The following SYT2 variants were observed in gnomAD, a reference collection of about 807,000 sequenced individuals.
The protein encoded by SYT2 is synaptotagmin-2.
Under a neutral mutation model 39.9 loss-of-function variants are expected in SYT2, and 15 were observed. That is an observed-to-expected ratio of 0.38 (90% CI 0.25 to 0.58). SYT2 has a LOEUF of 0.58. SYT2 is among the 20% of genes least tolerant of loss of function. The pLI, the probability that SYT2 is intolerant of heterozygous loss-of-function variation, is 0.70. For synonymous variants in SYT2, 181 were observed against 204.5 expected, an observed-to-expected ratio of 0.89 and a Z score of 0.98; for missense variants, 389 against 530.3, an observed-to-expected ratio of 0.73 and a Z score of 2.62.
chr1:202,672,768 A>G (rs1459200266), intron 1 of SYT2, among the ~76,000 whole-genome samples: 1 of 56,426 alleles, frequency 1.8e-5, no homozygotes, highest in Admixed American at 1.8e-4. Context: ...GAAATGAGAG[A>G]GGGAGGGAGG....
At chr1:202,650,265 G>C (rs1053852332) in intron 1 of SYT2, among the ~76,000 whole-genome samples, 12 of 152,134 alleles carry the variant, frequency 7.9e-5, no homozygotes, top group Admixed American at 1.3e-4. Flanking sequence ...CCTGTGAGCC[G>C]GGGTGTCCAG....
chr1:202,629,893 TGTGTTGCTCAG>T (rs1691530165), intron 1 of SYT2, among the ~76,000 whole-genome samples: 1 of 71,846 alleles, frequency 1.4e-5, no homozygotes, highest in Non-Finnish European at 3.3e-5. Context: ...GTACGGCAGG[TGTGTTGCTCAG>T]AAGTGACTCT....
intron 1 of SYT2, among the ~76,000 whole-genome samples, chr1:202,621,334 T>TG (rs1394055101): frequency 6.6e-6 from 1 of 152,184 alleles, no homozygotes; most frequent in East Asian, 1.9e-4. Context: ...CTCACTCTGT[T>TG]GCTCAGGCTG....
In SYT2 at chr1:202,703,279, C is replaced by T. The variant is rs796285419; in HGVS notation, c.-18+6979G>A. Among the ~76,000 whole-genome samples the T allele has an allele frequency of 5.3e-5, 8 of 150,864 alleles. 1 individual carries two copies. Among genetic ancestry groups the T allele is most frequent in the African/African-American group, 1.7e-4 (7 of 41,246 alleles). ...TCCCACCCCCGGCCACCGCTCCCCT[C>T]CCTCCGCCGCCCATACACATGGCCC... On this transcript the variant is annotated intron_variant, in intron 1 of 8. Transcript: ENST00000367268.
rs1348724244 is a variant in SYT2 at position 202,599,104 on chromosome 1, C to A, written c.1053+114G>T. 2 of 1,440,396 alleles carry A rather than the reference C, an allele frequency of 1.4e-6. No individual in the cohort carries two copies. Among genetic ancestry groups the A allele is most frequent in the Non-Finnish European group, 1.9e-6 (2 of 1,065,372 alleles). 89.2% of individuals were successfully genotyped at this position (1,440,396 alleles called of 1,614,324 possible). On this transcript the variant is annotated intron_variant, in intron 8 of 8. Transcript: ENST00000367268. The surrounding 1 kb of genome is among the most constrained non-coding windows in gnomAD (Gnocchi z 4.4). Reference sequence around the variant, plus strand: ...GCACCATTAGACCTCGAGCCTTCCCCTACCAAGAAAGGCTGTTCCATGGTC... The same window carrying A: ...GCACCATTAGACCTCGAGCCTTCCCATACCAAGAAAGGCTGTTCCATGGTC...
intron 1 of SYT2, among the ~76,000 whole-genome samples, chr1:202,685,571 C>A (rs1049206700): frequency 6.6e-6 from 1 of 152,082 alleles, no homozygotes; most frequent in African/African-American, 2.4e-5. Flanking sequence ...GGTAATTCAC[C>A]GCATCACCCC....
intron 1 of SYT2, among the ~76,000 whole-genome samples, chr1:202,650,583 ACAC>A (rs1692172988): frequency 1.3e-5 from 2 of 151,932 alleles, no homozygotes; most frequent in Non-Finnish European, 2.9e-5. Flanking sequence ...TTTCAGGCAC[ACAC>A]CACCACACCT....
chr1:202,602,976 TG>T, intron 4 of SYT2, 22 bp downstream of exon 4: 1 of 1,375,318 alleles, frequency 7.3e-7, no homozygotes, highest in Admixed American at 2.0e-5. Context: ...TCCCCCACTC[TG>T]CCCCCCCACA....
intron 1 of SYT2, among the ~76,000 whole-genome samples, chr1:202,607,331 C>A (rs1272658865): frequency 6.6e-6 from 1 of 152,208 alleles, no homozygotes; most frequent in Non-Finnish European, 1.5e-5. Flanking sequence ...CAAGAATAAA[C>A]AGCACAACTC....
intron 1 of SYT2, among the ~76,000 whole-genome samples, chr1:202,674,716 C>T (rs1349333749): frequency 1.3e-5 from 2 of 152,114 alleles, no homozygotes; most frequent in Non-Finnish European, 2.9e-5. Context: ...TGGTATGAAA[C>T]CCCTACTGTT....
chr1:202,595,225 CCTGA>C lies in SYT2; in HGVS notation c.*1528_*1531del, dbSNP rs1459442579. 6.6e-6 allele frequency: 1 copy of C among 152,250 alleles called. No individual in the cohort carries two copies. The highest frequency in any genetic ancestry group is 2.4e-5 in the African/African-American group (1 of 41,440). 9.4% of individuals were successfully genotyped at this position (152,250 alleles called of 1,614,324 possible). The stretch of plus-strand genomic sequence containing the variant: ...GGATTGGAAGAAGACTCAGTGCAAA[CCTGA>C]CTAACATATATATGGCTTTTATATC... On this transcript the variant is annotated 3_prime_UTR_variant, in exon 9 of 9. Coordinates refer to ENST00000367268, the MANE Select transcript of SYT2 (RefSeq NM_177402.5).
chr1:202,624,365 G>A (rs1293070965), intron 1 of SYT2, among the ~76,000 whole-genome samples: 1 of 151,748 alleles, frequency 6.6e-6, no homozygotes, highest in Non-Finnish European at 1.5e-5. Flanking sequence ...TGTGGGTAGT[G>A]GGTAGTGGCA....
At chr1:202,604,818 C>CTTTTTTTTTTTTTTTTTTTTTTTTTTT (rs59944538) in intron 2 of SYT2, among the ~76,000 whole-genome samples, 197 bp from the exon 3 acceptor site, 1 of 71,668 alleles carries the variant, frequency 1.4e-5, no homozygotes, top group Non-Finnish European at 2.5e-5. Context: ...TCATGCCTTG[C>CTTTTTTTTTTTTTTTTTTTTTTTTTTT]TTTTTTTTTT....
At chr1:202,671,715 AG>A (rs1229919840) in intron 1 of SYT2, among the ~76,000 whole-genome samples, 1 of 152,240 alleles carries the variant, frequency 6.6e-6, no homozygotes, top group East Asian at 1.9e-4. Context: ...TCGACCCCAA[AG>A]GGGCTCATCC....
intron 1 of SYT2, among the ~76,000 whole-genome samples, chr1:202,640,148 G>T (rs149974926): frequency 0.012 from 1,765 of 152,266 alleles, 35 homozygotes; most frequent in African/African-American, 0.04. Flanking sequence ...ACTGAGAAGG[G>T]GAGGTCATCG....
intron 1 of SYT2, among the ~76,000 whole-genome samples, chr1:202,637,475 C>G (rs1691769983): frequency 6.6e-6 from 1 of 152,370 alleles, no homozygotes; most frequent in Non-Finnish European, 1.5e-5. Flanking sequence ...GGGCTGTGCT[C>G]TCACCCAGGC....
chr1:202,651,843 G>A (rs1382586673), intron 1 of SYT2, among the ~76,000 whole-genome samples: 2 of 152,160 alleles, frequency 1.3e-5, no homozygotes, highest in African/African-American at 4.8e-5. Context: ...GGCAGATCAC[G>A]AGGTCAAGAG....
chr1:202,647,455 T>A (rs991279041), intron 1 of SYT2, among the ~76,000 whole-genome samples: 1 of 150,210 alleles, frequency 6.7e-6, no homozygotes, highest in African/African-American at 2.5e-5. Context: ...CTTGGGAGGC[T>A]TCCCCCCCCA....
chr1:202,667,515 A>C (rs1692503399), intron 1 of SYT2, among the ~76,000 whole-genome samples: 2 of 118,958 alleles, frequency 1.7e-5, no homozygotes, highest in South Asian at 2.7e-4. Context: ...GTGTGTGTGT[A>C]CCTTCCTGTG....
Sources: allele counts gnomAD v4.1 joint callset (sites outside exome capture counted in the v4.1 genomes callset), GRCh38; gene constraint gnomAD v4.1.1; non-coding constraint Gnocchi (gnomAD v3.1); transcripts MANE v1.5; gene names NCBI Gene and HGNC (gene_info 2026-07-23, HGNC 2026-07-21).